Variants in EYS observed in about 807,000 individuals in gnomAD.
EYS encodes EGF-like photoreceptor maintenance factor, also known as protein eyes shut homolog.
EYS carries 250 observed loss-of-function variants against 282.1 expected under a neutral mutation model. The ratio of observed to expected loss-of-function variants is 0.89; its 90% CI spans 0.80 to 0.98. EYS has a LOEUF of 0.98. EYS is among the 50% of genes least tolerant of loss of function. The pLI is 0.00. For synonymous variants in EYS, 1,355 were observed against 1,282.9 expected (o/e 1.06, Z -1.20); for missense variants, 4,016 against 3,709.0 (o/e 1.08, Z -2.15).
intron 12 of EYS, among the ~76,000 whole-genome samples, chr6:65,110,539 T>G (rs9453183): frequency 0.26 from 39,492 of 151,936 alleles, 6,277 homozygotes; most frequent in African/African-American, 0.44. Context: ...CCAAATAACA[T>G]CTGTGGCATA....
chr6:63,981,983 C>A, intron 35 of EYS, among the ~76,000 whole-genome samples: 1 of 151,722 alleles, frequency 6.6e-6, no homozygotes. Flanking sequence ...ATATATACAT[C>A]CTGTTAGGAA....
intron 26 of EYS, among the ~76,000 whole-genome samples, chr6:64,553,011 G>A (rs577146242): frequency 1.5e-4 from 21 of 136,766 alleles, no homozygotes; most frequent in African/African-American, 5.5e-4. Context: ...AAGTTGTCCC[G>A]ACTTTCTGTA....
intron 1 of EYS, among the ~76,000 whole-genome samples, chr6:65,698,571 G>A (rs959549923): frequency 6.6e-6 from 1 of 152,102 alleles, no homozygotes; most frequent in Admixed American, 6.5e-5. Context: ...TAACTCAGAT[G>A]GATTCTATCT....
At chr6:65,255,743 G>C (rs1258880652) in intron 12 of EYS, among the ~76,000 whole-genome samples, 1 of 151,844 alleles carries the variant, frequency 6.6e-6, no homozygotes, top group African/African-American at 2.4e-5. Context: ...TGGCCAACAG[G>C]TGTATAAAAA....
chr6:65,705,399 T>A (rs557476857), intron 1 of EYS, among the ~76,000 whole-genome samples: 4 of 152,310 alleles, frequency 2.6e-5, no homozygotes, highest in African/African-American at 9.6e-5. Flanking sequence ...TTTCCTCTTT[T>A]TTGTTTTCCC....
At chr6:64,690,790 G>A (rs1014901372) in intron 22 of EYS, among the ~76,000 whole-genome samples, 4 of 152,026 alleles carry the variant, frequency 2.6e-5, no homozygotes, top group African/African-American at 9.7e-5. Context: ...GAGAACACTT[G>A]GACAAAGGAT....
intron 6 of EYS, among the ~76,000 whole-genome samples, chr6:65,403,839 T>C (rs1223653527): frequency 6.6e-6 from 1 of 152,080 alleles, no homozygotes; most frequent in Non-Finnish European, 1.5e-5. Context: ...ATAACATGTG[T>C]TCAATTGTTC....
At chr6:65,159,196 C>G (rs1057398603) in intron 12 of EYS, among the ~76,000 whole-genome samples, 1 of 150,778 alleles carries the variant, frequency 6.6e-6, no homozygotes, top group African/African-American at 2.4e-5. Flanking sequence ...TACATCTGGG[C>G]ACAATGCATT....
chr6:64,164,291 T>C (rs1004449285), intron 31 of EYS, among the ~76,000 whole-genome samples: 1 of 152,148 alleles, frequency 6.6e-6, no homozygotes, highest in African/African-American at 2.4e-5. Context: ...AATATTTTTA[T>C]AGCTTTGCTA....
At chr6:65,093,957 C>A (rs1258794936) in intron 12 of EYS, among the ~76,000 whole-genome samples, 1 of 151,604 alleles carries the variant, frequency 6.6e-6, no homozygotes, top group Non-Finnish European at 1.5e-5. Context: ...ATGCAAACTG[C>A]AAACCATAGA....
At chr6:65,312,137 TA>T (rs376310613) in intron 11 of EYS, among the ~76,000 whole-genome samples, 33,520 of 148,508 alleles carry the variant, frequency 0.23, 3,097 homozygotes, top group Middle Eastern at 0.3. Flanking sequence ...TTAAGGTGGT[TA>T]GAAGATGGTA....
At chr6:65,699,838 G>A (rs1582617531) in intron 1 of EYS, among the ~76,000 whole-genome samples, 1 of 152,098 alleles carries the variant, frequency 6.6e-6, no homozygotes. Context: ...AAACAGGCCG[G>A]GCGCGGTGGC....
chr6:65,148,043 A>T (rs1283762993), intron 12 of EYS, among the ~76,000 whole-genome samples: 3 of 152,080 alleles, frequency 2.0e-5, no homozygotes, highest in African/African-American at 7.2e-5. Flanking sequence ...CGGGAACCAC[A>T]ATTCAAGATG....
chr6:64,693,016 T>C (rs1224859329), intron 22 of EYS, among the ~76,000 whole-genome samples: 1 of 47,528 alleles, frequency 2.1e-5, no homozygotes, highest in Non-Finnish European at 5.5e-5. Context: ...AGAGGAATTT[T>C]AGAATTTTTT....
At chr6:64,395,741 A>G (rs1773343892) in intron 28 of EYS, among the ~76,000 whole-genome samples, 1 of 151,724 alleles carries the variant, frequency 6.6e-6, no homozygotes, top group South Asian at 2.1e-4. Flanking sequence ...TATGTAACTA[A>G]CCTGCACAAT....
At chr6:64,378,758 A>C (rs1772647965) in intron 29 of EYS, among the ~76,000 whole-genome samples, 1 of 152,172 alleles carries the variant, frequency 6.6e-6, no homozygotes, top group Non-Finnish European at 1.5e-5. Flanking sequence ...CTCCAGACCT[A>C]CAATTCTTAA....
intron 13 of EYS, among the ~76,000 whole-genome samples, chr6:65,002,399 G>C (rs1022171112): frequency 2.0e-5 from 3 of 147,424 alleles, no homozygotes; most frequent in African/African-American, 7.3e-5. Context: ...CCACAGAACT[G>C]TTTTGCTCAG....
chr6:64,110,171 C>CT lies in EYS; in HGVS notation c.6425-28170dup, dbSNP rs914968626. On this transcript the variant is annotated intron_variant, in intron 31 of 42. Coordinates refer to ENST00000503581, the MANE Select transcript of EYS (RefSeq NM_001142800.2). ...TTTGTTCACATAGAATCTAAAGAAT[C>CT]TTTTTTTTTAAAAAGTAAGCATGGA... 3.1e-4 allele frequency among the ~76,000 whole-genome samples: 47 copies of CT among 150,338 alleles called. 2 individuals carry two copies. In the South Asian group the frequency reaches 6.7e-3, roughly 21 times the overall value.
At chr6:64,340,045 GA>G (rs35304660) in intron 29 of EYS, among the ~76,000 whole-genome samples, 151,078 of 151,554 alleles carry the variant, frequency 1, 75,304 homozygotes, top group East Asian at 1. Context: ...AATAATCTAT[GA>G]AAAAAAATGT....
Sources: gnomAD v4.1 joint callset for allele counts (sites outside exome capture counted in the v4.1 genomes callset) on GRCh38, gnomAD v4.1.1 for gene constraint, MANE v1.5 for transcripts, NCBI Gene and HGNC (gene_info 2026-07-23, HGNC 2026-07-21) for gene names.